The following MAGI1 variants were observed in gnomAD, a reference collection of about 807,000 sequenced individuals.
MAGI1 encodes membrane-associated guanylate kinase, WW and PDZ domain-containing protein 1.
A neutral mutation model predicts 139.9 loss-of-function variants in MAGI1; 58 were observed. That is an observed-to-expected ratio of 0.41 (90% CI 0.34 to 0.52). MAGI1 has a LOEUF of 0.52. Ranked by LOEUF, MAGI1 falls within the 20% of genes least tolerant of loss-of-function variation. The pLI, the probability that MAGI1 is intolerant of heterozygous loss-of-function variation, is 0.12. For missense variants in MAGI1, 1,874 were observed against 1,901.6 expected, an observed-to-expected ratio of 0.99 and a Z score of 0.27; for synonymous variants, 812 against 737.9, an observed-to-expected ratio of 1.10 and a Z score of -1.63.
intron 1 of MAGI1, among the ~76,000 whole-genome samples, chr3:66,006,862 ACT>A (rs1221516119): frequency 1.3e-5 from 2 of 150,752 alleles, no homozygotes; most frequent in East Asian, 3.9e-4. Flanking sequence ...ATGCAGTATC[ACT>A]CTCTCACCCA....
intron 1 of MAGI1, among the ~76,000 whole-genome samples, chr3:65,716,420 A>G (rs1183511288): frequency 6.6e-6 from 1 of 152,242 alleles, no homozygotes; most frequent in Non-Finnish European, 1.5e-5. Context: ...GGATAGATTT[A>G]TCAGTCACTT....
At chr3:65,483,824 C>G (rs1296325373) in intron 3 of MAGI1, among the ~76,000 whole-genome samples, 3 of 152,214 alleles carry the variant, frequency 2.0e-5, no homozygotes, top group Non-Finnish European at 4.4e-5. Context: ...AGCAAAATCT[C>G]TGGCCAGGAC....
At position 65,356,413 on chromosome 3, in the gene MAGI1, G is replaced by C. The variant is rs1371744960; in HGVS notation, c.4354C>G (p.Pro1452Ala). The change falls in exon 23 of 23, where the codon CCT (proline) becomes GCT (alanine). Residue 1452 changes from proline (P) to alanine (A), a missense_variant. Pro to Ala is a conservative substitution (Grantham distance 27). Transcript: ENST00000402939. Reference sequence around the variant, plus strand: ...AGGTCGGTGCTACATTCTTTGTAAGGTCGCCTTCTCTGCTCCGGGGGATGT... The same window carrying C: ...AGGTCGGTGCTACATTCTTTGTAAGCTCGCCTTCTCTGCTCCGGGGGATGT... ...SRHPPEQRRR[P>A]YKECSTDLSI The C allele has an allele frequency of 6.2e-7, 1 of 1,604,598 alleles. No homozygotes were observed. Among genetic ancestry groups the C allele is most frequent in the Non-Finnish European group, 8.5e-7 (1 of 1,177,192 alleles).
At chr3:65,634,505 T>C (rs2084490854) in intron 1 of MAGI1, among the ~76,000 whole-genome samples, 1 of 152,166 alleles carries the variant, frequency 6.6e-6, no homozygotes, top group Non-Finnish European at 1.5e-5. Flanking sequence ...AGGCCCCAAA[T>C]TCACCAGCTT....
intron 3 of MAGI1, among the ~76,000 whole-genome samples, chr3:65,486,283 C>T (rs1951630771): frequency 6.6e-6 from 1 of 152,162 alleles, no homozygotes; most frequent in East Asian, 1.9e-4. Context: ...CCTGGCACTG[C>T]ACTTCTATGC....
intron 1 of MAGI1, among the ~76,000 whole-genome samples, chr3:65,905,797 G>A (rs929090813): frequency 6.6e-6 from 1 of 152,162 alleles, no homozygotes; most frequent in Non-Finnish European, 1.5e-5. Flanking sequence ...CAACTTAGTT[G>A]AGGACTGCAC....
intron 3 of MAGI1, among the ~76,000 whole-genome samples, chr3:65,493,095 A>AG (rs1231313772): frequency 6.6e-6 from 1 of 151,288 alleles, no homozygotes; most frequent in Non-Finnish European, 1.5e-5. Context: ...AAAAAAAAAA[A>AG]GTTTGCTTTA....
At chr3:66,000,122 G>A (rs1055909402) in intron 1 of MAGI1, among the ~76,000 whole-genome samples, 3 of 151,766 alleles carry the variant, frequency 2.0e-5, no homozygotes, top group African/African-American at 7.3e-5. Flanking sequence ...ACAGGCGCCC[G>A]CTACCATGCC....
chr3:65,608,129 A>G (rs2082847944), intron 2 of MAGI1, among the ~76,000 whole-genome samples: 2 of 152,196 alleles, frequency 1.3e-5, no homozygotes, highest in African/African-American at 4.8e-5. Flanking sequence ...ATCAGAAAGC[A>G]AATGACAATC....
chr3:65,687,245 G>T (rs60730645), intron 1 of MAGI1: 205 of 179,524 alleles, frequency 1.1e-3, no homozygotes, highest in African/African-American at 4.5e-3. Context: ...TTAAAAGAGA[G>T]GGGGGCAGGG....
Position 65,662,097 on chromosome 3 carries a change from A to G in MAGI1, c.314-40009T>C, listed in dbSNP as rs529975474. On this transcript the variant is annotated intron_variant, in intron 1 of 22. Coordinates refer to ENST00000402939, the MANE Select transcript of MAGI1 (RefSeq NM_001033057.2). ...CTGCCAAGAAAAAAACAGAGGAATT[A>G]CCAAGAACTTTCACAAGTTCAGGAT... Among the ~76,000 whole-genome samples, 140 of 152,124 alleles carry G rather than the reference A, an allele frequency of 9.2e-4. 2 individuals are homozygous for G. Among genetic ancestry groups the G allele is most frequent in the African/African-American group, 3.2e-3 (133 of 41,536 alleles).
intron 12 of MAGI1, among the ~76,000 whole-genome samples, chr3:65,406,214 G>T (rs560141179): frequency 6.6e-6 from 1 of 151,890 alleles, no homozygotes; most frequent in African/African-American, 2.4e-5. Context: ...CTGATTAAAT[G>T]TAAATACGGA....
rs72035925 is a variant in MAGI1, at chr3:65,923,226, C to CTTTTTT, written c.313+114764_313+114769dup. Among the ~76,000 whole-genome samples, 10 of 139,962 alleles carry CTTTTTT rather than the reference C, an allele frequency of 7.1e-5. 3 individuals are homozygous for CTTTTTT. The highest frequency in any genetic ancestry group is 1.2e-4 in the Non-Finnish European group (8 of 65,220). The allele number at this position is 139,962 out of a possible 152,430, so 91.8% of individuals were successfully genotyped here. ...TGTTAAGCTTGCATTCAACAGACAT[C>CTTTTTT]TTTTTTTTTTTTTTTTTGAGATGGA... On this transcript the variant is annotated intron_variant, in intron 1 of 22. Coordinates refer to ENST00000402939, the MANE Select transcript of MAGI1 (RefSeq NM_001033057.2).
chr3:65,464,042 A>G (rs1262385701), intron 5 of MAGI1, among the ~76,000 whole-genome samples: 2 of 152,058 alleles, frequency 1.3e-5, no homozygotes, highest in Admixed American at 1.3e-4. Context: ...GCCAGAGAGG[A>G]GGAATCTCCA....
chr3:65,482,014 T>C (rs1275217854), intron 3 of MAGI1, among the ~76,000 whole-genome samples: 1 of 152,212 alleles, frequency 6.6e-6, no homozygotes, highest in Non-Finnish European at 1.5e-5. Flanking sequence ...CCATATGAAA[T>C]TGCTGTTGTA....
intron 13 of MAGI1, among the ~76,000 whole-genome samples, chr3:65,399,179 C>T (rs1381927013): frequency 1.3e-5 from 2 of 152,174 alleles, no homozygotes; most frequent in East Asian, 3.9e-4. Flanking sequence ...AACCCAGGTA[C>T]AATCAGTGTG....
intron 13 of MAGI1, among the ~76,000 whole-genome samples, chr3:65,392,408 C>T (rs1217853208): frequency 6.6e-6 from 1 of 152,156 alleles, no homozygotes; most frequent in African/African-American, 2.4e-5. Context: ...GACACCATGT[C>T]ACTATACTTA....
chr3:65,498,332 C>T (rs2076951718), intron 2 of MAGI1, among the ~76,000 whole-genome samples: 1 of 151,074 alleles, frequency 6.6e-6, no homozygotes. Flanking sequence ...TTTTCCTTAG[C>T]CTACAATACT....
intron 1 of MAGI1, among the ~76,000 whole-genome samples, chr3:65,876,473 T>C (rs2060123109): frequency 6.6e-6 from 1 of 151,906 alleles, no homozygotes; most frequent in Admixed American, 6.6e-5. Flanking sequence ...TTTTACGGAG[T>C]AAAACAAAAT....
Sources: gnomAD v4.1 joint callset for allele counts (sites outside exome capture counted in the v4.1 genomes callset) on GRCh38, gnomAD v4.1.1 for gene constraint, MANE v1.5 for transcripts, NCBI Gene and HGNC (gene_info 2026-07-23, HGNC 2026-07-21) for gene names.